The following SH3BP5 variants were observed in gnomAD, a reference collection of about 807,000 sequenced individuals.
SH3BP5 encodes SH3 domain binding protein 5, also known as SH3 domain-binding protein 5.
SH3BP5 carries 22 observed loss-of-function variants against 43.3 expected under a neutral mutation model. That is an observed-to-expected ratio of 0.51 (90% CI 0.36 to 0.73). The LOEUF (loss-of-function observed/expected upper bound fraction) is 0.73, where lower values mean the gene tolerates loss of function less well. Among genes scored for constraint, SH3BP5 ranks in the 30% least tolerant of loss-of-function variants. The probability of loss-of-function intolerance (pLI) is 0.00; values close to 1 mark genes in which losing one functional copy is unlikely to be tolerated. For missense variants in SH3BP5, 529 were observed against 586.9 expected (o/e 0.90, Z 1.02); for synonymous variants, 255 against 225.8 (o/e 1.13, Z -1.16).
At chr3:15,256,756 G>T in intron 8 of SH3BP5, 97 bp downstream of exon 8, 1 of 1,362,906 alleles carries the variant, frequency 7.3e-7, no homozygotes, top group Non-Finnish European at 1.0e-6. Context: ...AATGCAGCAT[G>T]GGGGCCCTGA....
At chr3:15,265,184 C>T (rs930767606) in intron 4 of SH3BP5, among the ~76,000 whole-genome samples, 1 of 152,138 alleles carries the variant, frequency 6.6e-6, no homozygotes, top group East Asian at 1.9e-4. Context: ...TCTACCACAT[C>T]CTGTCCCTAT....
At chr3:15,291,288 C>T (rs1021414164) in intron 3 of SH3BP5, among the ~76,000 whole-genome samples, 3 of 152,148 alleles carry the variant, frequency 2.0e-5, no homozygotes, top group African/African-American at 7.2e-5. Flanking sequence ...GGTTCCTCCA[C>T]AGCTCCACAT....
chr3:15,330,001 A>G (rs1418265355), intron 2 of SH3BP5, among the ~76,000 whole-genome samples: 1 of 152,224 alleles, frequency 6.6e-6, no homozygotes, highest in Non-Finnish European at 1.5e-5. Flanking sequence ...ATTATATTCT[A>G]TGCACTAGCA....
intron 2 of SH3BP5, among the ~76,000 whole-genome samples, chr3:15,308,736 C>T (rs1335606929): frequency 6.6e-6 from 1 of 152,166 alleles, no homozygotes; most frequent in Non-Finnish European, 1.5e-5. Flanking sequence ...TTTTCTGGTG[C>T]TAGTTCATCA....
rs1318765546 is a variant in SH3BP5, at chr3:15,265,512, T to TCTCACACACACACACACACACACA, written c.496-3224_496-3223insTGTGTGTGTGTGTGTGTGTGTGAG. On this transcript the variant is annotated intron_variant, in intron 4 of 8. Transcript: ENST00000383791. ...GCCTGAGCTACAGGGCGAGACTCCGTCACACACACACACACACACACACAC... is the reference window on the plus strand; with the variant it reads ...GCCTGAGCTACAGGGCGAGACTCCGTCTCACACACACACACACACACACACACACACACACACACACACACACAC... Among the ~76,000 whole-genome samples, 93 of 107,988 alleles carry TCTCACACACACACACACACACACA rather than the reference T, an allele frequency of 8.6e-4. 1 individual carries two copies. Among genetic ancestry groups the TCTCACACACACACACACACACACA allele is most frequent in the African/African-American group, 3.3e-3 (79 of 24,118 alleles). The allele number at this position is 107,988 out of a possible 152,430, so 70.8% of individuals were successfully genotyped here.
intron 2 of SH3BP5, among the ~76,000 whole-genome samples, chr3:15,309,231 T>C (rs1697987640): frequency 6.6e-6 from 1 of 152,178 alleles, no homozygotes; most frequent in Admixed American, 6.5e-5. Flanking sequence ...TATAGTTAAC[T>C]GGCTAGGGGA....
intron 3 of SH3BP5, among the ~76,000 whole-genome samples, chr3:15,296,330 G>A (rs557354623): frequency 1.4e-5 from 2 of 140,830 alleles, no homozygotes; most frequent in African/African-American, 6.2e-5. Context: ...ACCTCAAATG[G>A]GGAAATCATA....
At chr3:15,298,981 A>C (rs752848154) in intron 3 of SH3BP5, among the ~76,000 whole-genome samples, 3 of 152,214 alleles carry the variant, frequency 2.0e-5, no homozygotes, top group Non-Finnish European at 2.9e-5. Flanking sequence ...AAGAAAAAAA[A>C]GAATGGTAAA....
chr3:15,256,034 C>G lies in SH3BP5; in HGVS notation c.*52G>C. 1.4e-6 allele frequency: 2 copies of G among 1,381,978 alleles called. No homozygotes were observed. Among genetic ancestry groups the G allele is most frequent in the Non-Finnish European group, 2.0e-6 (2 of 982,218 alleles). 85.6% of individuals were successfully genotyped at this position (1,381,978 alleles called of 1,614,324 possible). Reference sequence around the variant, plus strand: ...TAAATGATTATTGGCACAATGTTCTCCAGTTCCATGTATAAATGTTGATAT... The same window carrying G: ...TAAATGATTATTGGCACAATGTTCTGCAGTTCCATGTATAAATGTTGATAT... On this transcript the variant is annotated 3_prime_UTR_variant, in exon 9 of 9. Coordinates refer to ENST00000383791, the MANE Select transcript of SH3BP5 (RefSeq NM_004844.5).
In SH3BP5 at chr3:15,256,125, A is replaced by C. The variant is rs150979861; in HGVS notation, c.1329T>G (p.Asp443Glu). Reference protein sequence around the residue: ...QLSLQCSKGRDGIIADIKMVQ... With the variant: ...QLSLQCSKGREGIIADIKMVQ... ...CCATTTTTATGTCAGCAATAATTCC[A>C]TCTCTTCCCTTTGAGCACTGTAGGG... The change falls in exon 9 of 9, where the codon GAT (aspartate) becomes GAG (glutamate). Residue 443 changes from aspartate to glutamate, a missense_variant. Asp to Glu is a conservative substitution (Grantham distance 45). Around this residue, in one of 3 missense-constraint regions of SH3BP5, gnomAD observed 369 missense variants for 384.3 expected, o/e 0.96. Transcript: ENST00000383791. The C allele has an allele frequency of 2.5e-6, 4 of 1,614,194 alleles. No individual in the cohort carries two copies. The highest frequency in any genetic ancestry group is 3.3e-5 in the Admixed American group (2 of 60,028).
Position 15,269,788 on chromosome 3 carries a change from C to T in SH3BP5, c.420G>A (p.Glu140=). 1 of 1,612,218 alleles carries T rather than the reference C, an allele frequency of 6.2e-7. No individual in the cohort carries two copies. The highest frequency in any genetic ancestry group is 8.5e-7 in the Non-Finnish European group (1 of 1,178,850). ...RAAKETISLA[E]QRLLEDDKRQ... ...GCTTGTCATCCTCCAGCAGCCGCTG[C>T]TCGGCCAGGGAGATGGTCTCCTTGG... is the stretch of plus-strand genomic sequence containing the variant. The change falls in exon 4 of 9, where the codon GAG becomes GAA. Residue 140 remains glutamate, a synonymous_variant. Coordinates refer to ENST00000383791, the MANE Select transcript of SH3BP5 (RefSeq NM_004844.5).
chr3:15,306,047 A>G (rs1397242828), intron 2 of SH3BP5, among the ~76,000 whole-genome samples: 3 of 144,518 alleles, frequency 2.1e-5, no homozygotes, highest in Non-Finnish European at 4.5e-5. Context: ...GGACACATGC[A>G]TGAGTTTAAA....
At chr3:15,340,342 A>C (rs763747644) in intron 1 of SH3BP5, among the ~76,000 whole-genome samples, 2 of 152,220 alleles carry the variant, frequency 1.3e-5, no homozygotes, top group Non-Finnish European at 2.9e-5. Context: ...TTATCTGACA[A>C]GTATTTATTG....
intron 3 of SH3BP5, among the ~76,000 whole-genome samples, chr3:15,280,369 A>AGT (rs1697089767): frequency 6.6e-6 from 1 of 152,176 alleles, no homozygotes; most frequent in South Asian, 2.1e-4. Context: ...GGTAGACAGC[A>AGT]GTACCCAAAA....
At position 15,310,047 on chromosome 3, in the gene SH3BP5, G is replaced by A. The variant is rs141157961; in HGVS notation, c.202-5816C>T. ...TTCCTGTCTCCCCAGTGTTACAGCCGTAATATTCCTTGGTCCTCACCCCCA... is the reference window on the plus strand; with the variant it reads ...TTCCTGTCTCCCCAGTGTTACAGCCATAATATTCCTTGGTCCTCACCCCCA... On this transcript the variant is annotated intron_variant, in intron 2 of 8. Coordinates refer to ENST00000383791, the MANE Select transcript of SH3BP5 (RefSeq NM_004844.5). Among the ~76,000 whole-genome samples the A allele has an allele frequency of 6.3e-3, 964 of 152,114 alleles. 16 individuals are homozygous for A. The highest frequency in any genetic ancestry group is 0.022 in the African/African-American group (919 of 41,474).
At chr3:15,313,250 A>C (rs1418850333) in intron 2 of SH3BP5, among the ~76,000 whole-genome samples, 3 of 152,218 alleles carry the variant, frequency 2.0e-5, no homozygotes, top group Non-Finnish European at 2.9e-5. Flanking sequence ...ACAAGAGCGA[A>C]ATGTCTCAAA....
intron 2 of SH3BP5, among the ~76,000 whole-genome samples, chr3:15,320,081 T>C (rs1297993645): frequency 6.6e-6 from 1 of 152,150 alleles, no homozygotes; most frequent in Non-Finnish European, 1.5e-5. Context: ...ACTTCAAATC[T>C]AGCAAAATGA....
chr3:15,333,220 A>T (rs1252859547), upstream of SH3BP5: 4 of 985,386 alleles, frequency 4.1e-6, no homozygotes, highest in Non-Finnish European at 4.8e-6. Flanking sequence ...ATCAACAAGT[A>T]GGGAGACAGA....
intron 3 of SH3BP5, 79 bp downstream of exon 3, chr3:15,304,024 G>T (rs1322162536): frequency 8.3e-7 from 1 of 1,199,688 alleles, no homozygotes; most frequent in Non-Finnish European, 1.2e-6. Flanking sequence ...CCTTCAGCAG[G>T]TGATACAGTC....
Sources: allele counts gnomAD v4.1 joint callset (sites outside exome capture counted in the v4.1 genomes callset), GRCh38; gene constraint gnomAD v4.1.1; regional missense constraint gnomAD v4.1.1; transcripts MANE v1.5; gene names NCBI Gene and HGNC (gene_info 2026-07-23, HGNC 2026-07-21).